The following RGL1 variants were observed in gnomAD, a reference collection of about 807,000 sequenced individuals.
RGL1 encodes ral guanine nucleotide dissociation stimulator-like 1.
In RGL1, 24 loss-of-function variants were observed where a neutral mutation model predicts 95.2. The observed-to-expected ratio is 0.25, with a 90% CI of 0.18 to 0.35. RGL1 has a LOEUF of 0.35. RGL1 is among the 10% of genes least tolerant of loss of function. The probability of loss-of-function intolerance (pLI) is 1.00; values close to 1 mark genes in which losing one functional copy is unlikely to be tolerated. For synonymous variants in RGL1, 329 were observed against 344.9 expected (o/e 0.95, Z 0.51); for missense variants, 715 against 936.3 (o/e 0.76, Z 3.08).
intron 2 of RGL1, among the ~76,000 whole-genome samples, chr1:183,784,750 T>C (rs969072855): frequency 6.6e-6 from 1 of 152,126 alleles, no homozygotes; most frequent in Non-Finnish European, 1.5e-5. Context: ...ATGGAAAAAT[T>C]AAAACAGAGG....
intron 8 of RGL1, 115 bp downstream of exon 8, chr1:183,888,692 C>T: frequency 1.5e-6 from 1 of 681,068 alleles, no homozygotes; most frequent in South Asian, 1.9e-5. Flanking sequence ...TTGAAATCCT[C>T]TGTGTGTTTC....
chr1:183,669,407 A>G (rs895030402), intron 1 of RGL1, among the ~76,000 whole-genome samples: 16 of 152,128 alleles, frequency 1.1e-4, no homozygotes, highest in African/African-American at 2.7e-4. Flanking sequence ...CTTGCATGCT[A>G]TCTACTTTTT....
intron 1 of RGL1, among the ~76,000 whole-genome samples, chr1:183,741,642 G>A (rs1314478540): frequency 6.6e-6 from 1 of 152,110 alleles, no homozygotes; most frequent in Non-Finnish European, 1.5e-5. Flanking sequence ...AAGGTTAACA[G>A]CCAAACTACT....
intron 1 of RGL1, chr1:183,646,426 T>G (rs1334227233): frequency 6.6e-6 from 1 of 151,770 alleles, no homozygotes; most frequent in Non-Finnish European, 1.5e-5. Context: ...ACTTTATATA[T>G]ATATATAAAG....
intron 1 of RGL1, among the ~76,000 whole-genome samples, chr1:183,721,134 A>G (rs764027624): frequency 1.3e-5 from 2 of 152,180 alleles, no homozygotes; most frequent in Non-Finnish European, 2.9e-5. Flanking sequence ...CCAATTATTG[A>G]ACATATTATC....
chr1:183,907,811 G>A (rs1668423301), intron 14 of RGL1, among the ~76,000 whole-genome samples: 1 of 152,020 alleles, frequency 6.6e-6, no homozygotes, highest in South Asian at 2.1e-4. Context: ...ACAATGTAGT[G>A]AGATCCTGTC....
Position 183,902,476 on chromosome 1 carries a change from C to G in RGL1, c.1318-92C>G, listed in dbSNP as rs1433837350. ...CATTGATAATTGTGACTTTATCACC[C>G]CTTTGATCTATTTTAATGTGACCTA... On this transcript the variant is annotated intron_variant, in intron 11 of 17. Coordinates refer to ENST00000360851, the MANE Select transcript of RGL1 (RefSeq NM_001297671.3). 8 of 944,238 alleles carry G rather than the reference C, an allele frequency of 8.5e-6. No homozygotes were observed. The East Asian group carries it at 2.0e-4, about 24-fold the overall frequency. The allele number at this position is 944,238 out of a possible 1,614,324, so 58.5% of individuals were successfully genotyped here. A position where few individuals can be genotyped will look rare whatever the true frequency, so the allele number is the denominator to read the frequency against.
chr1:183,668,603 C>A (rs1357014493), intron 1 of RGL1, among the ~76,000 whole-genome samples: 3 of 152,098 alleles, frequency 2.0e-5, no homozygotes, highest in Non-Finnish European at 4.4e-5. Flanking sequence ...AGCCACCACA[C>A]CTGGCTGCGA....
intron 3 of RGL1, among the ~76,000 whole-genome samples, chr1:183,863,076 G>A (rs1665610761): frequency 6.6e-6 from 1 of 152,170 alleles, no homozygotes; most frequent in Non-Finnish European, 1.5e-5. Context: ...GCACAGGTGT[G>A]GGAGGAGGCA....
intron 1 of RGL1, among the ~76,000 whole-genome samples, chr1:183,641,981 C>G (rs1649955772): frequency 1.3e-5 from 2 of 152,154 alleles, no homozygotes; most frequent in African/African-American, 4.8e-5. Context: ...CTTCCATGAC[C>G]ATGGACGTTT....
chr1:183,928,290 A>G lies in RGL1; in HGVS notation c.*1998A>G, dbSNP rs1255911344. On this transcript the variant is annotated 3_prime_UTR_variant, in exon 18 of 18. Coordinates refer to ENST00000360851, the MANE Select transcript of RGL1 (RefSeq NM_001297671.3). ...GTAGAGTCTAGATTTATATACTGCA[A>G]TGTAAAATATATATATATTTACCTT... is the stretch of plus-strand genomic sequence containing the variant. 6.6e-6 allele frequency: 1 copy of G among 152,470 alleles called. No homozygotes were observed. Among genetic ancestry groups the G allele is most frequent in the Non-Finnish European group, 1.5e-5 (1 of 68,016 alleles). The allele number at this position is 152,470 out of a possible 1,614,324, so 9.4% of individuals were successfully genotyped here.
chr1:183,731,661 AG>A (rs1281803379), intron 1 of RGL1, among the ~76,000 whole-genome samples: 1 of 152,172 alleles, frequency 6.6e-6, no homozygotes, highest in African/African-American at 2.4e-5. Flanking sequence ...CTTTGTTCTA[AG>A]TCAGACAGAT....
intron 2 of RGL1, among the ~76,000 whole-genome samples, chr1:183,761,530 C>T (rs550079002): frequency 1.1e-4 from 16 of 152,284 alleles, no homozygotes; most frequent in African/African-American, 3.9e-4. Context: ...ATCATCTAGG[C>T]TTTATTGCTC....
intron 5 of RGL1, among the ~76,000 whole-genome samples, chr1:183,881,356 A>C (rs1459260177): frequency 6.6e-6 from 1 of 152,186 alleles, no homozygotes; most frequent in Non-Finnish European, 1.5e-5. Context: ...GATTGTCATC[A>C]TTTAGCATCT....
intron 1 of RGL1, among the ~76,000 whole-genome samples, chr1:183,805,805 G>T (rs1433435561): frequency 6.6e-6 from 1 of 152,070 alleles, no homozygotes; most frequent in African/African-American, 2.4e-5. Flanking sequence ...AAACAATGAG[G>T]AGAAAAGACA....
At chr1:183,779,151 A>G (rs1483980714) in intron 2 of RGL1, among the ~76,000 whole-genome samples, 2 of 145,774 alleles carry the variant, frequency 1.4e-5, no homozygotes, top group Non-Finnish European at 3.0e-5. Context: ...CAAAATTTCA[A>G]AATTTTCCCT....
chr1:183,739,483 A>G (rs1043774761), intron 1 of RGL1, among the ~76,000 whole-genome samples: 4 of 152,212 alleles, frequency 2.6e-5, no homozygotes, highest in African/African-American at 7.2e-5. Flanking sequence ...TTATTTTTTC[A>G]TTGCCGTAAA....
At chr1:183,801,143 T>TTGTGTGTGTG (rs139990784), upstream of RGL1, among the ~76,000 whole-genome samples, 2,166 of 129,962 alleles carry the variant, frequency 0.017, 50 homozygotes, top group African/African-American at 0.053. Context: ...ACTTGTTATT[T>TTGTGTGTGTG]TGTGTGTGTG....
At chr1:183,647,661 C>A (rs201458108) in intron 1 of RGL1, 552 of 1,574,574 alleles carry the variant, frequency 3.5e-4, no homozygotes, top group Non-Finnish European at 4.5e-4. Context: ...TGGTTTCATG[C>A]TGTAGGAATG....
Sources: gnomAD v4.1 joint callset for allele counts (sites outside exome capture counted in the v4.1 genomes callset) on GRCh38, gnomAD v4.1.1 for gene constraint, MANE v1.5 for transcripts, NCBI Gene and HGNC (gene_info 2026-07-23, HGNC 2026-07-21) for gene names.